RMND5B: variants seen among roughly 807,000 people sequenced by gnomAD.
RMND5B encodes the protein required for meiotic nuclear division 5 homolog B.
A neutral mutation model predicts 50.4 loss-of-function variants in RMND5B; 42 were observed. The ratio of observed to expected loss-of-function variants is 0.83; its 90% CI spans 0.65 to 1.08. The LOEUF is 1.08. Among genes scored for constraint, RMND5B ranks in the 50% least tolerant of loss-of-function variants. The probability of loss-of-function intolerance (pLI) is 0.00; values close to 1 mark genes in which losing one functional copy is unlikely to be tolerated. For missense variants in RMND5B, 463 were observed against 508.5 expected (o/e 0.91, Z 0.86); for synonymous variants, 220 against 210.0 (o/e 1.05, Z -0.41).
At position 178,149,244 on chromosome 5, in the gene RMND5B, A is replaced by G. The variant is rs878974664; in HGVS notation, c.*1212A>G. ...CCCCCTGCCTTACCTCACAGCCCCC[A>G]TCTACCCTGGAAGAGGGAGTTGAAA... On this transcript the variant is annotated 3_prime_UTR_variant, in exon 11 of 11. Transcript: ENST00000313386. 6.3e-6 allele frequency: 1 copy of G among 159,238 alleles called. No homozygotes were observed. Among genetic ancestry groups the G allele is most frequent in the East Asian group, 1.9e-4 (1 of 5,374 alleles). The allele number at this position is 159,238 out of a possible 1,614,324, so 9.9% of individuals were successfully genotyped here.
Position 178,149,648 on chromosome 5 carries a change from G to C in RMND5B, c.*1616G>C. On this transcript the variant is annotated 3_prime_UTR_variant, in exon 11 of 11. Coordinates refer to ENST00000313386, the MANE Select transcript of RMND5B (RefSeq NM_022762.5). The stretch of plus-strand genomic sequence containing the variant: ...GTCAGTGTGGGTGGGCAGGAGGACA[G>C]CCAGTCGTCCTGCTGCCAGCCCAAT... 1 of 1,605,100 alleles carries C rather than the reference G, an allele frequency of 6.2e-7. No individual in the cohort carries two copies. Among genetic ancestry groups the C allele is most frequent in the Non-Finnish European group, 8.5e-7 (1 of 1,175,288 alleles).
chr5:178,147,538 C>T lies in RMND5B; in HGVS notation c.866C>T (p.Ala289Val). ...SVESPLSVSF[A>V]SGCVALPVLM... ...CCCCTGTTCCTTGTCTGCAGCTTTG[C>T]CTCTGGCTGTGTGGCGCTGCCTGTG... Residue 289 changes from alanine (A) to valine (V), a missense_variant, in exon 9 of 11, where the codon GCC becomes GTC. Physicochemically the swap from Ala to Val is moderately conservative, Grantham distance 64. Transcript: ENST00000313386. 1 of 1,613,868 alleles carries T rather than the reference C, an allele frequency of 6.2e-7. No individual in the cohort carries two copies. Among genetic ancestry groups the T allele is most frequent in the Non-Finnish European group, 8.5e-7 (1 of 1,179,886 alleles).
chr5:178,135,307 G>T (rs1274389200), intron 2 of RMND5B: 2 of 206,952 alleles, frequency 9.7e-6, no homozygotes, highest in Admixed American at 5.7e-5. Flanking sequence ...GTGCCACCAT[G>T]CCCAGGTAAA....
intron 3 of RMND5B, among the ~76,000 whole-genome samples, chr5:178,140,505 C>T (rs1035968763): frequency 1.3e-4 from 20 of 152,038 alleles, no homozygotes; most frequent in African/African-American, 4.6e-4. Context: ...TTAAGATGGT[C>T]GCTGCTAAGG....
chr5:178,133,117 C>T (rs1758425657), intron 2 of RMND5B, among the ~76,000 whole-genome samples: 1 of 152,114 alleles, frequency 6.6e-6, no homozygotes, highest in South Asian at 2.1e-4. Context: ...CCTGCCTCGG[C>T]CTCCCAAAGT....
rs1756183426 is a variant in RMND5B, at chr5:178,148,848, G to A, written c.*816G>A. The A allele has an allele frequency of 2.6e-5, 4 of 152,326 alleles. No homozygotes were observed. Among genetic ancestry groups the A allele is most frequent in the Admixed American group, 6.5e-5 (1 of 15,290 alleles). The allele number at this position is 152,326 out of a possible 1,614,324, so 9.4% of individuals were successfully genotyped here. The stretch of plus-strand genomic sequence containing the variant: ...AAAATGAAGTAACTTGCACAACAGG[G>A]CTCACAGCTTAGAAAGGAGAGAGCT... On this transcript the variant is annotated 3_prime_UTR_variant, in exon 11 of 11. Coordinates refer to ENST00000313386, the MANE Select transcript of RMND5B (RefSeq NM_022762.5).
chr5:178,143,109 A>ACCT, intron 5 of RMND5B, 117 bp downstream of exon 5: 3 of 1,208,856 alleles, frequency 2.5e-6, no homozygotes, highest in Non-Finnish European at 3.4e-6. Context: ...GGAAATCAGC[A>ACCT]CCTCTGCCAG....
At position 178,147,980 on chromosome 5, in the gene RMND5B, C is replaced by T. The variant is rs1399022234; in HGVS notation, c.1130C>T (p.Pro377Leu). Residue 377 changes from proline (P) to leucine (L), a missense_variant, in exon 11 of 11, where the codon CCC (proline) becomes CTC (leucine). Transcript: ENST00000313386. ...KLINGGKLKCPYCPMEQNPAD... is the reference protein window; with the variant it reads ...KLINGGKLKCLYCPMEQNPAD... ...TCCTCCCTTTGCAGGCTGAAGTGTC[C>T]CTACTGTCCCATGGAGCAGAACCCG... is the stretch of plus-strand genomic sequence containing the variant. The T allele has an allele frequency of 1.2e-6, 2 of 1,614,132 alleles. No homozygotes were observed. Among genetic ancestry groups the T allele is most frequent in the African/African-American group, 1.3e-5 (1 of 75,030 alleles).
At position 178,137,142 on chromosome 5, in the gene RMND5B, G is replaced by A. The variant is rs1758659121; in HGVS notation, c.-12-966G>A. On this transcript the variant is annotated intron_variant, in intron 2 of 10. Coordinates refer to ENST00000313386, the MANE Select transcript of RMND5B (RefSeq NM_022762.5). The surrounding 1 kb of genome is among the most constrained non-coding windows in gnomAD (Gnocchi z 4.4). Reference sequence around the variant, plus strand: ...GTAAGGGTGATGGAGAGCAGGCCAGGTGAGGAAGCAGCATGTACCAGGGCA... The same window carrying A: ...GTAAGGGTGATGGAGAGCAGGCCAGATGAGGAAGCAGCATGTACCAGGGCA... 6.6e-6 allele frequency among the ~76,000 whole-genome samples: 1 copy of A among 152,144 alleles called. No individual in the cohort carries two copies. Among genetic ancestry groups the A allele is most frequent in the Non-Finnish European group, 1.5e-5 (1 of 68,030 alleles).
chr5:178,146,985 C>T (rs1441954972), intron 8 of RMND5B: 1 of 158,808 alleles, frequency 6.3e-6, no homozygotes, highest in Non-Finnish European at 1.4e-5. Context: ...CATTTCCCAG[C>T]AAGAACAACA....
At chr5:178,145,825 C>G in intron 7 of RMND5B, 1 of 348,832 alleles carries the variant, frequency 2.9e-6, no homozygotes, top group South Asian at 5.9e-5. Context: ...TTATTTGATC[C>G]TTGATGCAGT....
In RMND5B at chr5:178,149,739, C is replaced by G. The variant is rs1382630853; in HGVS notation, c.*1707C>G. 50 of 1,613,958 alleles carry G rather than the reference C, an allele frequency of 3.1e-5. No homozygotes were observed. The Admixed American group carries it at 8.3e-4, about 27-fold the overall frequency. ...CATAGGGGTAGGGGCAGGGACTGCACCTCCTCCAGGCACTCATCGTAAGCC... is the reference window on the plus strand; with the variant it reads ...CATAGGGGTAGGGGCAGGGACTGCAGCTCCTCCAGGCACTCATCGTAAGCC... On this transcript the variant is annotated 3_prime_UTR_variant, in exon 11 of 11. Transcript: ENST00000313386.
rs966875058 is a variant in RMND5B, at chr5:178,148,806, G to C, written c.*774G>C. 1.3e-5 allele frequency: 2 copies of C among 152,284 alleles called. No homozygotes were observed. Among genetic ancestry groups the C allele is most frequent in the African/African-American group, 2.4e-5 (1 of 41,444 alleles). 9.4% of individuals were successfully genotyped at this position (152,284 alleles called of 1,614,324 possible). A position where few individuals can be genotyped will look rare whatever the true frequency, so the allele number is the denominator to read the frequency against. ...CTTACTAACTCCATAGGAGAAATCC[G>C]TGTAATGGGATTCAGGAAAATGAAG... is the stretch of plus-strand genomic sequence containing the variant. On this transcript the variant is annotated 3_prime_UTR_variant, in exon 11 of 11. Coordinates refer to ENST00000313386, the MANE Select transcript of RMND5B (RefSeq NM_022762.5).
Position 178,149,471 on chromosome 5 carries a change from T to G in RMND5B, c.*1439T>G. 4.0e-6 allele frequency: 2 copies of G among 494,724 alleles called. No individual in the cohort carries two copies. Among genetic ancestry groups the G allele is most frequent in the Non-Finnish European group, 7.5e-6 (2 of 268,080 alleles). 30.6% of individuals were successfully genotyped at this position (494,724 alleles called of 1,614,324 possible). A position where few individuals can be genotyped will look rare whatever the true frequency, so the allele number is the denominator to read the frequency against. On this transcript the variant is annotated 3_prime_UTR_variant, in exon 11 of 11. Coordinates refer to ENST00000313386, the MANE Select transcript of RMND5B (RefSeq NM_022762.5). ...CCCACAGACTCACCACATTTTAGTCTTAGCATTTACTTTCCCCACCCCACA... is the reference window on the plus strand; with the variant it reads ...CCCACAGACTCACCACATTTTAGTCGTAGCATTTACTTTCCCCACCCCACA...
chr5:178,142,535 G>C (rs1758995729), intron 3 of RMND5B, 48 bp from the exon 4 acceptor site: 1 of 1,569,106 alleles, frequency 6.4e-7, no homozygotes, highest in Non-Finnish European at 8.6e-7. Flanking sequence ...TGCCAAGGCA[G>C]GTGCCCCAGT....
chr5:178,149,913 C>A lies in RMND5B; in HGVS notation c.*1881C>A. The A allele has an allele frequency of 6.5e-7, 1 of 1,535,076 alleles. No individual in the cohort carries two copies. Among genetic ancestry groups the A allele is most frequent in the South Asian group, 1.2e-5 (1 of 85,396 alleles). ...TGCCAGGAAGTCACCAACTGATGAC[C>A]CACCAGCCTAATCTGGCCCACAACC... On this transcript the variant is annotated 3_prime_UTR_variant, in exon 11 of 11. Transcript: ENST00000313386.
intron 8 of RMND5B, chr5:178,146,562 A>C: frequency 2.5e-6 from 1 of 393,916 alleles, no homozygotes; most frequent in Non-Finnish European, 4.7e-6. Flanking sequence ...CTCACCCTGG[A>C]TCATTGCAAG....
In RMND5B at chr5:178,149,900, A is replaced by G. The variant is rs1203747326; in HGVS notation, c.*1868A>G. ...TGTACAACCTGTATGCCAGGAAGTC[A>G]CCAACTGATGACCCACCAGCCTAAT... On this transcript the variant is annotated 3_prime_UTR_variant, in exon 11 of 11. Coordinates refer to ENST00000313386, the MANE Select transcript of RMND5B (RefSeq NM_022762.5). The G allele has an allele frequency of 6.3e-7, 1 of 1,585,630 alleles. No individual in the cohort carries two copies. Among genetic ancestry groups the G allele is most frequent in the African/African-American group, 1.3e-5 (1 of 74,370 alleles).
Position 178,143,011 on chromosome 5 carries a change from G to T in RMND5B, c.426+19G>T. On this transcript the variant is annotated intron_variant, in intron 5 of 10. Transcript: ENST00000313386. ...GTGCCAGGTACAGTCGGGCTGGGCG[G>T]GCGCAACAACCTGCCTGCTCTGCCT... The T allele has an allele frequency of 6.2e-7, 1 of 1,601,786 alleles. No homozygotes were observed. Among genetic ancestry groups the T allele is most frequent in the Non-Finnish European group, 8.5e-7 (1 of 1,172,556 alleles).
Sources: gnomAD v4.1 joint callset for allele counts (sites outside exome capture counted in the v4.1 genomes callset) on GRCh38, gnomAD v4.1.1 for gene constraint, Gnocchi (gnomAD v3.1) non-coding constraint, MANE v1.5 for transcripts, NCBI Gene and HGNC (gene_info 2026-07-23, HGNC 2026-07-21) for gene names.